Variants in GABRA5 observed in about 807,000 individuals in gnomAD.
The protein encoded by GABRA5 is gamma-aminobutyric acid receptor subunit alpha-5.
In GABRA5, 18 loss-of-function variants were observed where a neutral mutation model predicts 47.3. The observed-to-expected ratio is 0.38, with a 90% confidence interval of 0.26 to 0.56. The LOEUF (loss-of-function observed/expected upper bound fraction) is 0.56, where lower values mean the gene tolerates loss of function less well. Ranked by LOEUF, GABRA5 falls within the 20% of genes least tolerant of loss-of-function variation. GABRA5 has a pLI of 0.71. For synonymous variants in GABRA5, 237 were observed against 229.3 expected (o/e 1.03, Z -0.30); for missense variants, 365 against 599.3 (o/e 0.61, Z 4.08).
intron 9 of GABRA5, among the ~76,000 whole-genome samples, chr15:26,940,476 C>T (rs1302010402): frequency 6.6e-6 from 1 of 152,122 alleles, no homozygotes; most frequent in Admixed American, 6.6e-5. Context: ...ACCAGTTGAG[C>T]ATCCCTAATC....
At chr15:26,937,980 G>T (rs1002715269) in intron 8 of GABRA5, among the ~76,000 whole-genome samples, 1 of 152,230 alleles carries the variant, frequency 6.6e-6, no homozygotes, top group Admixed American at 6.5e-5. Context: ...CAAGGGAGGG[G>T]ATTTTGAGCT....
In GABRA5 at chr15:26,883,527, A is replaced by G; in HGVS notation, c.467A>G (p.Glu156Gly). 1 of 1,600,272 alleles carries G rather than the reference A, an allele frequency of 6.2e-7. No homozygotes were observed. The highest frequency in any genetic ancestry group is 1.1e-5 in the South Asian group (1 of 90,912). Residue 156 changes from glutamate (E) to glycine (G), a missense_variant, in exon 6 of 11, where the codon GAG becomes GGG. By Grantham distance (98) the Glu-to-Gly change is moderately conservative. Coordinates refer to ENST00000335625, the MANE Select transcript of GABRA5 (RefSeq NM_000810.4). This position sits in a 1 kb window ranked among gnomAD's most constrained non-coding sequence, Gnocchi z 4.8. ...MTTPNKLLRL[E>G]DDGTLLYTMR... ...ACGCCCAACAAGCTGCTGCGGCTGG[A>G]GGACGACGGCACCCTGCTCTACACC...
chr15:26,908,976 C>T, intron 6 of GABRA5, among the ~76,000 whole-genome samples: 1 of 152,222 alleles, frequency 6.6e-6, no homozygotes, highest in East Asian at 1.9e-4. Context: ...GGTCATTAGA[C>T]TTGTATGAGC....
chr15:26,890,426 A>ATTTTTTTTTTTTTTTTT (rs201726196), intron 6 of GABRA5, among the ~76,000 whole-genome samples: 15 of 128,584 alleles, frequency 1.2e-4, no homozygotes, highest in African/African-American at 3.5e-4. Flanking sequence ...AGTCACTTCA[A>ATTTTTTTTTTTTTTTTT]TTTTTTTTTT....
chr15:26,894,425 G>A (rs1306594532), intron 6 of GABRA5, among the ~76,000 whole-genome samples: 1 of 152,112 alleles, frequency 6.6e-6, no homozygotes, highest in Non-Finnish European at 1.5e-5. Context: ...TGCGGGCAGC[G>A]CTCCCGGAAC....
intron 3 of GABRA5, 145 bp from the exon 4 acceptor site, chr15:26,880,701 A>G (rs1316682312): frequency 4.1e-6 from 3 of 723,502 alleles, no homozygotes; most frequent in Non-Finnish European, 6.6e-6. Flanking sequence ...AGGCCAAACA[A>G]TCCCCTAGGC....
At chr15:26,924,411 C>G (rs1360936426) in intron 7 of GABRA5, among the ~76,000 whole-genome samples, 1 of 152,094 alleles carries the variant, frequency 6.6e-6, no homozygotes, top group African/African-American at 2.4e-5. Context: ...TATGCATGGC[C>G]TCATTACTGC....
intron 9 of GABRA5, 43 bp downstream of exon 9, chr15:26,940,120 C>G (rs1370727964): frequency 1.9e-6 from 3 of 1,562,616 alleles, no homozygotes; most frequent in African/African-American, 2.7e-5. Flanking sequence ...TGTTTTGTGA[C>G]TGACCCTAAC....
chr15:26,921,908 T>C (rs1566880718), intron 7 of GABRA5, among the ~76,000 whole-genome samples: 1 of 152,206 alleles, frequency 6.6e-6, no homozygotes, highest in Non-Finnish European at 1.5e-5. Context: ...TTTTCTGTTA[T>C]CTTTTTGTCA....
rs2140256779 is a variant in GABRA5 at position 26,883,755 on chromosome 15, C to T, written c.497+198C>T. ...GTTCTTTCCCAGGGCTGCCATAGGT[C>T]CGTGGCCGTTTGTCATTTGGACTCG... On this transcript the variant is annotated intron_variant, in intron 6 of 10. Transcript: ENST00000335625. The surrounding 1 kb of genome is among the most constrained non-coding windows in gnomAD (Gnocchi z 4.8). Among the ~76,000 whole-genome samples the T allele has an allele frequency of 6.6e-6, 1 of 152,350 alleles. No homozygotes were observed. Among genetic ancestry groups the T allele is most frequent in the African/African-American group, 2.4e-5 (1 of 41,588 alleles).
At chr15:26,884,227 T>G (rs1876348616) in intron 6 of GABRA5, among the ~76,000 whole-genome samples, 1 of 152,110 alleles carries the variant, frequency 6.6e-6, no homozygotes, top group Non-Finnish European at 1.5e-5. Context: ...TTTTATTTTC[T>G]TTTGTTGCAA....
chr15:26,916,629 G>A (rs1039890781), intron 7 of GABRA5, among the ~76,000 whole-genome samples: 2 of 151,994 alleles, frequency 1.3e-5, no homozygotes, highest in Non-Finnish European at 2.9e-5. Flanking sequence ...GAATTTTGAT[G>A]GGCATTGTAT....
At chr15:26,936,268 A>G (rs1308861004) in intron 7 of GABRA5, among the ~76,000 whole-genome samples, 1 of 152,196 alleles carries the variant, frequency 6.6e-6, no homozygotes, top group African/African-American at 2.4e-5. Context: ...CAGCGTGAGA[A>G]CGGACTAATA....
At chr15:26,947,139 G>A (rs1178061838) in intron 10 of GABRA5, among the ~76,000 whole-genome samples, 2 of 152,178 alleles carry the variant, frequency 1.3e-5, no homozygotes, top group Non-Finnish European at 2.9e-5. Flanking sequence ...TGAAGGTAAA[G>A]AAGCGATGGC....
chr15:26,893,879 T>G (rs1161734577), intron 6 of GABRA5, among the ~76,000 whole-genome samples: 2 of 151,964 alleles, frequency 1.3e-5, no homozygotes, highest in Admixed American at 1.3e-4. Context: ...ATGTGAGACC[T>G]ATGTGCGCGC....
chr15:26,895,995 C>T (rs1320596893), intron 6 of GABRA5, among the ~76,000 whole-genome samples: 1 of 152,046 alleles, frequency 6.6e-6, no homozygotes, highest in Non-Finnish European at 1.5e-5. Context: ...GGATCCCCTT[C>T]CACCCTTCCC....
At chr15:26,892,081 C>T (rs1893020079) in intron 6 of GABRA5, among the ~76,000 whole-genome samples, 1 of 152,210 alleles carries the variant, frequency 6.6e-6, no homozygotes. Context: ...AGGCGTATGC[C>T]CCATGCTGCT....
chr15:26,914,772 C>T (rs376228503), intron 6 of GABRA5, 31 bp from the exon 7 acceptor site: 15 of 1,557,812 alleles, frequency 9.6e-6, no homozygotes, highest in African/African-American at 4.1e-5. Flanking sequence ...GTGAGAGAGT[C>T]GTTCAAAGGT....
chr15:26,871,010 A>C (rs944683229), intron 3 of GABRA5, among the ~76,000 whole-genome samples: 2 of 152,194 alleles, frequency 1.3e-5, no homozygotes, highest in African/African-American at 4.8e-5. Flanking sequence ...CCTGGCTGAC[A>C]TGGTGAAACC....
Sources: allele counts gnomAD v4.1 joint callset (sites outside exome capture counted in the v4.1 genomes callset), GRCh38; gene constraint gnomAD v4.1.1; non-coding constraint Gnocchi (gnomAD v3.1); transcripts MANE v1.5; gene names NCBI Gene and HGNC (gene_info 2026-07-23, HGNC 2026-07-21).